NACC2: variants seen among roughly 807,000 people sequenced by gnomAD.
NACC2 encodes the protein NACC family member 2.
In NACC2, 8 loss-of-function variants were observed where a neutral mutation model predicts 25.1. The ratio of observed to expected loss-of-function variants is 0.32; its 90% CI spans 0.19 to 0.57. The LOEUF is 0.57. Among genes scored for constraint, NACC2 ranks in the 20% least tolerant of loss-of-function variants. The probability of loss-of-function intolerance (pLI) is 0.89; values close to 1 mark genes in which losing one functional copy is unlikely to be tolerated. For missense variants in NACC2, 644 were observed against 650.2 expected, an observed-to-expected ratio of 0.99 and a Z score of 0.10; for synonymous variants, 435 against 294.7, an observed-to-expected ratio of 1.48 and a Z score of -4.88.
At chr9:136,068,031 A>T (rs7042368) in intron 1 of NACC2, among the ~76,000 whole-genome samples, 76,554 of 152,020 alleles carry the variant, frequency 0.5, 19,851 homozygotes, top group Middle Eastern at 0.64. Flanking sequence ...ATAAAAGATT[A>T]AAAATGGTAC....
chr9:136,068,914 G>C (rs1352992050), intron 1 of NACC2, among the ~76,000 whole-genome samples: 1 of 122,492 alleles, frequency 8.2e-6, no homozygotes, highest in Non-Finnish European at 1.8e-5. Context: ...GAGATTGAAA[G>C]AATACTTTTT....
intron 2 of NACC2, among the ~76,000 whole-genome samples, chr9:136,029,331 T>C (rs1840440181): frequency 6.6e-6 from 1 of 152,202 alleles, no homozygotes; most frequent in Admixed American, 6.5e-5. Context: ...GAGACCTGCC[T>C]GCAGAGAGGA....
At chr9:136,028,920 C>T (rs377299219) in intron 2 of NACC2, among the ~76,000 whole-genome samples, 6 of 152,356 alleles carry the variant, frequency 3.9e-5, no homozygotes, top group South Asian at 4.1e-4. Context: ...AGGCCCCTGC[C>T]GCCTTGGCCC....
At chr9:136,053,439 G>A (rs1840878026) in intron 1 of NACC2, among the ~76,000 whole-genome samples, 2 of 152,140 alleles carry the variant, frequency 1.3e-5, no homozygotes, top group Admixed American at 1.3e-4. Context: ...GTCCCCACTC[G>A]GCCATGCTGA....
In NACC2 at chr9:136,011,668, C is replaced by A; in HGVS notation, c.1612G>T (p.Val538Phe). ...AGEEVDGAGS[V>F]IQEVAAPEPL... ...TCGGGGGCGGCCACCTCCTGGATGA[C>A]CGAGCCAGCCCCGTCCACCTCCTCG... The change falls in exon 6 of 6, where the codon GTC becomes TTC. Residue 538 changes from valine to phenylalanine, a missense_variant. By Grantham distance (50) the Val-to-Phe change is conservative (BLOSUM62 -1). Transcript: ENST00000277554. The A allele has an allele frequency of 7.0e-7, 1 of 1,420,160 alleles. No homozygotes were observed. The highest frequency in any genetic ancestry group is 9.2e-7 in the Non-Finnish European group (1 of 1,091,414). The allele number at this position is 1,420,160 out of a possible 1,614,324, so 88.0% of individuals were successfully genotyped here. A position where few individuals can be genotyped will look rare whatever the true frequency, so the allele number is the denominator to read the frequency against.
intron 1 of NACC2, among the ~76,000 whole-genome samples, chr9:136,075,898 G>A (rs1830258099): frequency 6.6e-6 from 1 of 152,166 alleles, no homozygotes; most frequent in African/African-American, 2.4e-5. Context: ...CCTACAAAGC[G>A]CCCAGGAGCA....
At chr9:136,080,441 G>A (rs1478842140) in intron 1 of NACC2, among the ~76,000 whole-genome samples, 10 of 152,168 alleles carry the variant, frequency 6.6e-5, no homozygotes, top group East Asian at 5.8e-4. Flanking sequence ...GCGTGGTGGC[G>A]CACGCCTGCA....
intron 1 of NACC2, among the ~76,000 whole-genome samples, 156 bp from the exon 2 acceptor site, chr9:136,050,736 G>C (rs1279814869): frequency 1.3e-5 from 2 of 152,102 alleles, no homozygotes; most frequent in African/African-American, 4.8e-5. Flanking sequence ...ACACTCCAGA[G>C]AAGGGACACG....
chr9:136,067,577 C>T (rs2131175686), intron 1 of NACC2, among the ~76,000 whole-genome samples: 1 of 152,124 alleles, frequency 6.6e-6, no homozygotes, highest in Admixed American at 6.6e-5. Context: ...GTGGCTCACG[C>T]CTGTAATCCC....
At position 136,019,409 on chromosome 9, in the gene NACC2, G is replaced by T. The variant is rs1187366836; in HGVS notation, c.887-2980C>A. 2 of 152,174 alleles carry T rather than the reference G, an allele frequency of 1.3e-5. No homozygotes were observed. Among genetic ancestry groups the T allele is most frequent in the Non-Finnish European group, 2.9e-5 (2 of 68,054 alleles). The allele number at this position is 152,174 out of a possible 1,614,324, so 9.4% of individuals were successfully genotyped here. A position where few individuals can be genotyped will look rare whatever the true frequency, so the allele number is the denominator to read the frequency against. ...ACACTGAGGTCCCTCCTGAGCCTGG[G>T]TCTCGGGTACTGGGGGACCCGTGGC... On this transcript the variant is annotated intron_variant, in intron 2 of 5. Transcript: ENST00000277554. This position sits in a 1 kb window ranked among gnomAD's most constrained non-coding sequence, Gnocchi z 5.2.
chr9:136,041,982 G>A (rs941386807), intron 2 of NACC2, among the ~76,000 whole-genome samples: 1 of 151,886 alleles, frequency 6.6e-6, no homozygotes, highest in African/African-American at 2.4e-5. Context: ...AAAGGACTAC[G>A]ATAATCCTTC....
intron 1 of NACC2, among the ~76,000 whole-genome samples, chr9:136,053,661 C>T (rs1840882220): frequency 6.6e-6 from 1 of 152,194 alleles, no homozygotes; most frequent in Non-Finnish European, 1.5e-5. Flanking sequence ...GGGCAGAGGC[C>T]CCTAGACAGC....
chr9:136,050,390 G>A lies in NACC2; in HGVS notation c.132C>T (p.His44=), dbSNP rs1840803438. 1 of 758,080 alleles carries A rather than the reference G, an allele frequency of 1.3e-6. No individual in the cohort carries two copies. The allele number at this position is 758,080 out of a possible 1,614,324, so 47.0% of individuals were successfully genotyped here. The change falls in exon 2 of 6, where the codon CAC becomes CAT. Residue 44 remains histidine (H), a synonymous_variant. Coordinates refer to ENST00000277554, the MANE Select transcript of NACC2 (RefSeq NM_144653.5). ...GGCTGCTGGCGGCCAGCACCGCCCG[G>A]TGGGCCTTGAAGGCCTGGCCCTTGA... ...IVVKGQAFKA[H]RAVLAASSLY...
chr9:136,015,835 G>A (rs1374683982), intron 3 of NACC2, among the ~76,000 whole-genome samples: 1 of 152,200 alleles, frequency 6.6e-6, no homozygotes, highest in Non-Finnish European at 1.5e-5. Context: ...ATTCCTGAGC[G>A]AGGCCCGGCC....
chr9:136,064,148 G>A (rs1182603188), intron 1 of NACC2, among the ~76,000 whole-genome samples: 3 of 151,942 alleles, frequency 2.0e-5, no homozygotes, highest in Non-Finnish European at 4.4e-5. Context: ...CATGAGCTGG[G>A]CGTTGTGTTG....
chr9:136,083,560 T>A (rs1477152431), intron 1 of NACC2, among the ~76,000 whole-genome samples: 6 of 152,192 alleles, frequency 3.9e-5, no homozygotes, highest in Non-Finnish European at 1.5e-5. Flanking sequence ...AGAGGTGTCT[T>A]CTGAGAAGGG....
intron 1 of NACC2, among the ~76,000 whole-genome samples, chr9:136,064,342 A>C (rs1841054719): frequency 6.6e-6 from 1 of 152,206 alleles, no homozygotes; most frequent in African/African-American, 2.4e-5. Context: ...AAGAATGAAC[A>C]AGCACAGCAA....
In NACC2 at chr9:136,037,098, G is replaced by A. The variant is rs903483426; in HGVS notation, c.886+12538C>T. On this transcript the variant is annotated intron_variant, in intron 2 of 5. Coordinates refer to ENST00000277554, the MANE Select transcript of NACC2 (RefSeq NM_144653.5). The stretch of plus-strand genomic sequence containing the variant: ...AAAGTACTGAAAGCAAAAAAGAACC[G>A]TCAACCTAGAATTCTATATGCAGCA... Among the ~76,000 whole-genome samples, 29 of 152,246 alleles carry A rather than the reference G, an allele frequency of 1.9e-4. No individual in the cohort carries two copies. In the South Asian group the frequency reaches 4.1e-3, roughly 22 times the overall value.
chr9:136,081,370 T>A (rs185747676), intron 1 of NACC2, among the ~76,000 whole-genome samples: 1 of 152,180 alleles, frequency 6.6e-6, no homozygotes, highest in Admixed American at 6.5e-5. Context: ...GGGCTCCCCA[T>A]GGCCCAGCCC....
Sources: gnomAD v4.1 joint callset for allele counts (sites outside exome capture counted in the v4.1 genomes callset) on GRCh38, gnomAD v4.1.1 for gene constraint, Gnocchi (gnomAD v3.1) non-coding constraint, MANE v1.5 for transcripts, NCBI Gene and HGNC (gene_info 2026-07-23, HGNC 2026-07-21) for gene names.